Variants in ABCA10 observed in about 807,000 individuals in gnomAD.
ABCA10 encodes the protein ATP-binding cassette sub-family A member 10.
ABCA10 carries 169 observed loss-of-function variants against 187.5 expected under a neutral mutation model. The ratio of observed to expected loss-of-function variants is 0.90; its 90% CI spans 0.80 to 1.02. ABCA10 has a LOEUF of 1.02. Ranked by LOEUF, ABCA10 falls within the 50% of genes least tolerant of loss-of-function variation. ABCA10 has a pLI of 0.00. For synonymous variants in ABCA10, 574 were observed against 601.8 expected, an observed-to-expected ratio of 0.95 and a Z score of 0.68; for missense variants, 1,727 against 1,812.4, an observed-to-expected ratio of 0.95 and a Z score of 0.86.
chr17:69,192,845 A>C (rs544737300), intron 15 of ABCA10, among the ~76,000 whole-genome samples, 192 bp from the exon 16 acceptor site: 1 of 152,226 alleles, frequency 6.6e-6, no homozygotes, highest in African/African-American at 2.4e-5. Flanking sequence ...AATTCACTGC[A>C]TTCCCCATAG....
intron 6 of ABCA10, among the ~76,000 whole-genome samples, chr17:69,218,367 G>T (rs940112001): frequency 6.6e-6 from 1 of 151,846 alleles, no homozygotes; most frequent in African/African-American, 2.4e-5. Context: ...TGGCTTTATT[G>T]TTTATAAGTT....
upstream of ABCA10, among the ~76,000 whole-genome samples, chr17:69,229,521 C>A (rs2074817090): frequency 1.3e-5 from 2 of 151,840 alleles, no homozygotes; most frequent in Admixed American, 6.6e-5. Context: ...CCCTGAAAAT[C>A]TTTTTATGTG....
At chr17:69,187,921 T>G (rs894044997) in intron 18 of ABCA10, 42 bp from the exon 19 acceptor site, 1 of 1,570,708 alleles carries the variant, frequency 6.4e-7, no homozygotes. Context: ...CTATGTTATC[T>G]GAACTTTCTC....
rs202156417 is a variant in ABCA10 at position 69,150,219 on chromosome 17, T to TA, written c.4398-157dup. 3.1e-3 allele frequency: 1,618 copies of TA among 515,602 alleles called. 19 individuals carry two copies. Among genetic ancestry groups the TA allele is most frequent in the African/African-American group, 0.029 (1,490 of 51,462 alleles). The allele number at this position is 515,602 out of a possible 1,614,324, so 31.9% of individuals were successfully genotyped here. A position where few individuals can be genotyped will look rare whatever the true frequency, so the allele number is the denominator to read the frequency against. ...CAGTGTGAAATTACAGATTCAATCA[T>TA]AAAAAAAGTTATAACAACAAAAATC... On this transcript the variant is annotated intron_variant, in intron 36 of 38. Transcript: ENST00000690296.
intron 27 of ABCA10, among the ~76,000 whole-genome samples, chr17:69,161,980 A>G (rs538275501): frequency 2.6e-4 from 39 of 152,332 alleles, no homozygotes; most frequent in African/African-American, 8.7e-4. Context: ...TGAGAGGAAA[A>G]AATTCATCTC....
chr17:69,242,975 T>A (rs556144228), intron 1 of ABCA10, among the ~76,000 whole-genome samples: 1 of 152,308 alleles, frequency 6.6e-6, no homozygotes, highest in East Asian at 1.9e-4. Flanking sequence ...ACCTCAACAG[T>A]TGCCAGTTTA....
chr17:69,190,577 GTT>G, intron 17 of ABCA10, 100 bp from the exon 18 acceptor site: 2 of 1,112,578 alleles, frequency 1.8e-6, no homozygotes, highest in Non-Finnish European at 2.4e-6. Context: ...GTCTACAAAT[GTT>G]TTCATATTAA....
At chr17:69,183,154 A>G (rs753743545) in intron 20 of ABCA10, among the ~76,000 whole-genome samples, 7 of 152,176 alleles carry the variant, frequency 4.6e-5, no homozygotes, top group Non-Finnish European at 1.0e-4. Context: ...ACCCTGTAAT[A>G]TTTGTAATTA....
At chr17:69,222,789 T>G (rs949966489) in intron 3 of ABCA10, 92 bp from the exon 4 acceptor site, 4 of 1,182,308 alleles carry the variant, frequency 3.4e-6, no homozygotes, top group Non-Finnish European at 3.4e-6. Context: ...TTATATAAAA[T>G]TAGTGGTATT....
At chr17:69,216,449 A>T in intron 6 of ABCA10, 91 bp from the exon 7 acceptor site, 1 of 1,386,458 alleles carries the variant, frequency 7.2e-7, no homozygotes, top group Non-Finnish European at 9.7e-7. Flanking sequence ...AAAGCTCTGA[A>T]ATCAGGACTA....
At chr17:69,171,973 GAA>G (rs966351062) in intron 25 of ABCA10, among the ~76,000 whole-genome samples, 1 of 147,814 alleles carries the variant, frequency 6.8e-6, no homozygotes. Flanking sequence ...CAAAAGGGAG[GAA>G]AAAAAGACTA....
rs2144746352 is a variant in ABCA10, at chr17:69,148,342, T to C, written c.*485A>G. On this transcript the variant is annotated 3_prime_UTR_variant, in exon 39 of 39. Transcript: ENST00000690296. ...CTAAAATTCACATGCATTTATTTTA[T>C]AATCAGAATGTCATTATAATTAAAT... The C allele has an allele frequency of 6.5e-6, 1 of 153,118 alleles. No homozygotes were observed. The highest frequency in any genetic ancestry group is 2.1e-4 in the South Asian group (1 of 4,876). The allele number at this position is 153,118 out of a possible 1,614,324, so 9.5% of individuals were successfully genotyped here.
chr17:69,243,495 A>G (rs941059744), intron 1 of ABCA10, among the ~76,000 whole-genome samples: 1 of 152,230 alleles, frequency 6.6e-6, no homozygotes, highest in Non-Finnish European at 1.5e-5. Context: ...TCATCTTACT[A>G]TGTGGCCCAT....
At position 69,221,767 on chromosome 17, in the gene ABCA10, T is replaced by C. The variant is rs769028203; in HGVS notation, c.303+25A>G. The C allele has an allele frequency of 2.6e-6, 4 of 1,567,562 alleles. No homozygotes were observed. In the South Asian group the frequency reaches 3.4e-5, roughly 13 times the overall value. On this transcript the variant is annotated intron_variant, in intron 5 of 38. Coordinates refer to ENST00000690296, the MANE Select transcript of ABCA10 (RefSeq NM_001377321.1). ...AAGAGGGAAGAATACAGATTTAAAA[T>C]ATAGCTTTGAAGTTAGGCACTTACT...
intron 22 of ABCA10, among the ~76,000 whole-genome samples, chr17:69,177,973 A>AATATATATATATATATATATGTTATAT: frequency 2.0e-5 from 1 of 49,992 alleles, no homozygotes; most frequent in East Asian, 3.7e-4. Context: ...AAAAAAAAAA[A>AATATATATATATATATATATGTTATAT]ATATATATAT....
chr17:69,167,986 C>G (rs1400123729), intron 25 of ABCA10, among the ~76,000 whole-genome samples: 1 of 152,098 alleles, frequency 6.6e-6, no homozygotes, highest in Non-Finnish European at 1.5e-5. Context: ...AAGACCAACT[C>G]CTGCTCTACC....
chr17:69,161,616 T>C (rs998585496), intron 27 of ABCA10, among the ~76,000 whole-genome samples: 5 of 152,214 alleles, frequency 3.3e-5, no homozygotes, highest in African/African-American at 1.2e-4. Context: ...AAAACCTATG[T>C]GTGGATTTCA....
chr17:69,223,690 G>A (rs1568075228), intron 3 of ABCA10: 7 of 444,206 alleles, frequency 1.6e-5, no homozygotes, highest in South Asian at 1.1e-4. Flanking sequence ...TGAGGACAGT[G>A]CTAACATCAC....
At chr17:69,191,154 A>G in intron 17 of ABCA10, 22 bp downstream of exon 17, 1 of 1,563,908 alleles carries the variant, frequency 6.4e-7, no homozygotes, top group Non-Finnish European at 8.7e-7. Context: ...CATATATTCT[A>G]TGTGATTACA....
Sources: allele counts gnomAD v4.1 joint callset (sites outside exome capture counted in the v4.1 genomes callset), GRCh38; gene constraint gnomAD v4.1.1; transcripts MANE v1.5; gene names NCBI Gene and HGNC (gene_info 2026-07-23, HGNC 2026-07-21).